Variants in GRID1 observed in about 807,000 individuals in gnomAD.
The protein encoded by GRID1 is glutamate receptor ionotropic, delta-1.
GRID1 carries 28 observed loss-of-function variants against 98.0 expected under a neutral mutation model. The ratio of observed to expected loss-of-function variants is 0.29; its 90% CI spans 0.21 to 0.39. The LOEUF (loss-of-function observed/expected upper bound fraction) is 0.39, where lower values mean the gene tolerates loss of function less well. Among genes scored for constraint, GRID1 ranks in the 10% least tolerant of loss-of-function variants. The pLI is 1.00. For synonymous variants in GRID1, 553 were observed against 538.5 expected (o/e 1.03, Z -0.37); for missense variants, 1,111 against 1,340.5 (o/e 0.83, Z 2.67).
intron 8 of GRID1, among the ~76,000 whole-genome samples, chr10:85,740,394 T>C (rs904298981): frequency 2.6e-5 from 4 of 152,202 alleles, no homozygotes; most frequent in African/African-American, 4.8e-5. Context: ...TTGGTTTTAA[T>C]TGACCCGAAT....
At chr10:85,608,441 A>G (rs1842696741) in intron 15 of GRID1, among the ~76,000 whole-genome samples, 1 of 152,198 alleles carries the variant, frequency 6.6e-6, no homozygotes, top group Non-Finnish European at 1.5e-5. Flanking sequence ...TTACACAACA[A>G]TTTAACATTA....
chr10:86,244,717 C>T (rs984630802), intron 2 of GRID1, among the ~76,000 whole-genome samples: 2 of 152,198 alleles, frequency 1.3e-5, no homozygotes, highest in African/African-American at 2.4e-5. Context: ...TCCCTAATGC[C>T]ACATGCCCAA....
chr10:85,662,670 T>A (rs1477373135), intron 12 of GRID1, among the ~76,000 whole-genome samples: 1 of 152,138 alleles, frequency 6.6e-6, no homozygotes, highest in Non-Finnish European at 1.5e-5. Context: ...TGTATGACAT[T>A]TTTCCTGATG....
At chr10:85,632,652 T>A (rs1842988781) in intron 13 of GRID1, among the ~76,000 whole-genome samples, 1 of 152,218 alleles carries the variant, frequency 6.6e-6, no homozygotes, top group Non-Finnish European at 1.5e-5. Context: ...CAAGTGGTTC[T>A]CGTGCCTCAG....
chr10:85,615,271 G>A (rs1244574297), intron 14 of GRID1, among the ~76,000 whole-genome samples: 1 of 152,174 alleles, frequency 6.6e-6, no homozygotes, highest in Admixed American at 6.5e-5. Context: ...GCAAAGATTG[G>A]CTTTGGAGGC....
chr10:86,112,599 G>A (rs537005229), intron 4 of GRID1, among the ~76,000 whole-genome samples: 43 of 150,932 alleles, frequency 2.8e-4, no homozygotes, highest in Non-Finnish European at 5.2e-4. Context: ...AACTGCGGCC[G>A]AGCAGGGGTG....
intron 13 of GRID1, among the ~76,000 whole-genome samples, chr10:85,630,099 A>G (rs946702556): frequency 1.3e-5 from 2 of 152,228 alleles, no homozygotes; most frequent in African/African-American, 4.8e-5. Flanking sequence ...CAACTCAACA[A>G]CAGCAACAAT....
chr10:86,135,512 T>G (rs768234100), intron 4 of GRID1, among the ~76,000 whole-genome samples: 5 of 151,986 alleles, frequency 3.3e-5, no homozygotes, highest in Non-Finnish European at 7.4e-5. Flanking sequence ...TTTAAGATGA[T>G]GCAGTGTTGT....
intron 8 of GRID1, among the ~76,000 whole-genome samples, chr10:85,793,708 G>GCTATTACTACCATA (rs1842501939): frequency 6.6e-6 from 1 of 152,062 alleles, no homozygotes; most frequent in African/African-American, 2.4e-5. Context: ...TTACTACCAT[G>GCTATTACTACCATA]GTAAAGGTAA....
At chr10:85,917,636 G>C (rs1289639353) in intron 4 of GRID1, among the ~76,000 whole-genome samples, 1 of 152,230 alleles carries the variant, frequency 6.6e-6, no homozygotes, top group Non-Finnish European at 1.5e-5. Flanking sequence ...AGGTGTCGGG[G>C]CCTGTGCCAA....
chr10:86,272,145 A>T (rs983930639), intron 2 of GRID1, among the ~76,000 whole-genome samples: 3 of 152,200 alleles, frequency 2.0e-5, no homozygotes, highest in Non-Finnish European at 2.9e-5. Context: ...AAGAGAGAAA[A>T]ACTATCAACC....
intron 12 of GRID1, among the ~76,000 whole-genome samples, chr10:85,716,249 G>T (rs188798394): frequency 2.2e-4 from 34 of 152,176 alleles, no homozygotes; most frequent in Middle Eastern, 3.4e-3. Flanking sequence ...GGACATTATT[G>T]TCCCTTTGTA....
At chr10:85,726,655 A>G (rs1209999273) in intron 10 of GRID1, among the ~76,000 whole-genome samples, 1 of 152,170 alleles carries the variant, frequency 6.6e-6, no homozygotes, top group Non-Finnish European at 1.5e-5. Flanking sequence ...ACGTGGAAAG[A>G]ACCAGACACA....
chr10:86,326,129 G>A (rs965548521), intron 2 of GRID1, among the ~76,000 whole-genome samples: 1 of 152,216 alleles, frequency 6.6e-6, no homozygotes, highest in Non-Finnish European at 1.5e-5. Context: ...AAGCTCATTT[G>A]TATTAGAAAT....
At chr10:85,779,326 C>G (rs913007866) in intron 8 of GRID1, among the ~76,000 whole-genome samples, 1 of 152,176 alleles carries the variant, frequency 6.6e-6, no homozygotes, top group Admixed American at 6.5e-5. Context: ...AAATCCAAAA[C>G]CTGCCTTAGG....
At chr10:85,696,845 T>G (rs1227171233) in intron 12 of GRID1, among the ~76,000 whole-genome samples, 1 of 152,088 alleles carries the variant, frequency 6.6e-6, no homozygotes, top group Non-Finnish European at 1.5e-5. Context: ...TAGCTAATAC[T>G]TTAGCTAAAT....
intron 6 of GRID1, among the ~76,000 whole-genome samples, chr10:85,857,755 C>T (rs1843126857): frequency 6.6e-6 from 1 of 152,204 alleles, no homozygotes; most frequent in Non-Finnish European, 1.5e-5. Context: ...GTCAGCCTCA[C>T]AGGACTCCTG....
At chr10:86,036,923 A>G (rs1843273569) in intron 4 of GRID1, among the ~76,000 whole-genome samples, 1 of 152,196 alleles carries the variant, frequency 6.6e-6, no homozygotes, top group Non-Finnish European at 1.5e-5. Context: ...TAAGCAACAA[A>G]GCATTTTATA....
chr10:85,724,569 C>A lies in GRID1; in HGVS notation c.1641G>T (p.Lys547Asn). The A allele has an allele frequency of 1.2e-6, 2 of 1,613,408 alleles. No individual in the cohort carries two copies. The highest frequency in any genetic ancestry group is 1.7e-6 in the Non-Finnish European group (2 of 1,179,904). The change falls in exon 11 of 16, where the codon AAG (lysine) becomes AAT (asparagine). Residue 547 changes from lysine (K) to asparagine (N), a missense_variant. This residue lies in a region of GRID1 where 762 missense variants were observed against 869.1 expected (regional missense o/e 0.88). Transcript: ENST00000327946. The part of the protein sequence containing the change: ...MDYSVGILIK[K>N]PEEKISIFSL... The stretch of plus-strand genomic sequence containing the variant: ...AGAAGATGCTGATTTTCTCCTCGGG[C>A]TTCTTAATTAGAATCCCCACTGAAT...
Sources: gnomAD v4.1 joint callset for allele counts (sites outside exome capture counted in the v4.1 genomes callset) on GRCh38, gnomAD v4.1.1 for gene constraint, gnomAD v4.1.1 regional missense constraint, MANE v1.5 for transcripts, NCBI Gene and HGNC (gene_info 2026-07-23, HGNC 2026-07-21) for gene names.